SHC3: variants seen among roughly 807,000 people sequenced by gnomAD.
SHC3 encodes the protein SHC adaptor protein 3.
SHC3 carries 15 observed loss-of-function variants against 60.4 expected under a neutral mutation model. That is an observed-to-expected ratio of 0.25 (90% CI 0.17 to 0.38). The LOEUF (loss-of-function observed/expected upper bound fraction) is 0.38, where lower values mean the gene tolerates loss of function less well. Among genes scored for constraint, SHC3 ranks in the 10% least tolerant of loss-of-function variants. The pLI, the probability that SHC3 is intolerant of heterozygous loss-of-function variation, is 1.00. For synonymous variants in SHC3, 294 were observed against 325.9 expected (o/e 0.90, Z 1.05); for missense variants, 677 against 786.1 (o/e 0.86, Z 1.66).
chr9:89,099,775 T>C (rs1227752337), intron 2 of SHC3, among the ~76,000 whole-genome samples: 4 of 152,158 alleles, frequency 2.6e-5, no homozygotes, highest in South Asian at 2.1e-4. Flanking sequence ...GATATTAACA[T>C]GTGAAAAGGG....
intron 9 of SHC3, among the ~76,000 whole-genome samples, chr9:89,045,543 G>A (rs1824757876): frequency 6.6e-6 from 1 of 152,102 alleles, no homozygotes; most frequent in Non-Finnish European, 1.5e-5. Context: ...CCAAAGTGCT[G>A]GGATTACAGG....
intron 3 of SHC3, among the ~76,000 whole-genome samples, chr9:89,076,215 A>C (rs1043011687): frequency 8.6e-5 from 13 of 152,006 alleles, no homozygotes; most frequent in Admixed American, 5.9e-4. Context: ...CCTATAGTGG[A>C]GACTCTGGAG....
At chr9:89,125,618 G>A (rs963402209) in intron 1 of SHC3, among the ~76,000 whole-genome samples, 1 of 152,118 alleles carries the variant, frequency 6.6e-6, no homozygotes, top group Non-Finnish European at 1.5e-5. Context: ...TAAGATACAA[G>A]TCATAAAGAT....
chr9:89,115,141 G>A (rs748018082), intron 1 of SHC3, among the ~76,000 whole-genome samples: 18 of 152,056 alleles, frequency 1.2e-4, no homozygotes, highest in Non-Finnish European at 2.2e-4. Context: ...CAGCATATAC[G>A]AATAACATGA....
chr9:89,158,007 T>C (rs1826650695), intron 1 of SHC3, among the ~76,000 whole-genome samples: 2 of 151,928 alleles, frequency 1.3e-5, no homozygotes, highest in Non-Finnish European at 2.9e-5. Context: ...CTATATTTAA[T>C]TTTATTGATT....
At chr9:89,084,322 T>G in intron 2 of SHC3, among the ~76,000 whole-genome samples, 1 of 152,194 alleles carries the variant, frequency 6.6e-6, no homozygotes, top group East Asian at 1.9e-4. Flanking sequence ...TAAATACTGG[T>G]TGGTAATTAT....
At chr9:89,130,678 T>C (rs1026936030) in intron 1 of SHC3, among the ~76,000 whole-genome samples, 19 of 152,068 alleles carry the variant, frequency 1.2e-4, no homozygotes, top group African/African-American at 4.6e-4. Context: ...GGGTACATAA[T>C]GAAATGAAGG....
In SHC3 at chr9:89,075,146, G is replaced by A. The variant is rs544149923; in HGVS notation, c.692C>T (p.Thr231Met). The change falls in exon 4 of 12, where the codon ACG becomes ATG. Residue 231 changes from threonine to methionine, a missense_variant. Transcript: ENST00000375835. ...CGGAGTTCGCAGGTTCAGACTGGCC[G>A]TGGAGATGGTCAGAGAGATGCTCAT... is the stretch of plus-strand genomic sequence containing the variant. ...AGMSISLTIS[T>M]ASLNLRTPDS... The A allele has an allele frequency of 1.8e-5, 29 of 1,614,102 alleles. No individual in the cohort carries two copies. Among genetic ancestry groups the A allele is most frequent in the African/African-American group, 2.7e-5 (2 of 75,050 alleles).
intron 11 of SHC3, among the ~76,000 whole-genome samples, chr9:89,037,071 A>C (rs1385615660): frequency 1.2e-4 from 18 of 151,640 alleles, no homozygotes; most frequent in Admixed American, 1.2e-3. Flanking sequence ...TGGAAGTGGG[A>C]AGTGGCTGCT....
At chr9:89,022,780 A>G (rs1212304657) in intron 11 of SHC3, among the ~76,000 whole-genome samples, 1 of 152,164 alleles carries the variant, frequency 6.6e-6, no homozygotes, top group Admixed American at 6.5e-5. Context: ...ATAAGTGCCT[A>G]GTGCACTTAT....
intron 2 of SHC3, among the ~76,000 whole-genome samples, chr9:89,112,013 T>A (rs953158084): frequency 6.6e-6 from 1 of 152,202 alleles, no homozygotes; most frequent in African/African-American, 2.4e-5. Context: ...AGTGCTTAAA[T>A]ACTGCCCCTG....
intron 2 of SHC3, among the ~76,000 whole-genome samples, chr9:89,101,244 T>C (rs953864101): frequency 2.8e-4 from 42 of 152,222 alleles, no homozygotes; most frequent in African/African-American, 1.0e-3. Flanking sequence ...CAATTGATAT[T>C]TGTATTTTGA....
rs140245214 is a variant in SHC3 at position 89,131,657 on chromosome 9, C to T, written c.475-19031G>A. ...ATATAAACAGAACCATAGACAAAAA[C>T]CACATGATTATCTCAATAGATGCAG... On this transcript the variant is annotated intron_variant, in intron 1 of 11. Coordinates refer to ENST00000375835, the MANE Select transcript of SHC3 (RefSeq NM_016848.6). Among the ~76,000 whole-genome samples the T allele has an allele frequency of 9.2e-4, 140 of 152,212 alleles. 1 individual carries two copies. Among genetic ancestry groups the T allele is most frequent in the African/African-American group, 3.3e-3 (139 of 41,528 alleles).
At chr9:89,040,748 T>C (rs1270769418) in intron 10 of SHC3, among the ~76,000 whole-genome samples, 4 of 152,254 alleles carry the variant, frequency 2.6e-5, no homozygotes, top group African/African-American at 9.6e-5. Context: ...TTAGGTGATC[T>C]AGCATTGAAG....
At chr9:89,125,760 C>G (rs961911858) in intron 1 of SHC3, among the ~76,000 whole-genome samples, 1 of 152,118 alleles carries the variant, frequency 6.6e-6, no homozygotes, top group Non-Finnish European at 1.5e-5. Flanking sequence ...GGCAACGTCA[C>G]GAGCTTACTT....
At chr9:89,033,034 C>G (rs1474355897) in intron 11 of SHC3, among the ~76,000 whole-genome samples, 1 of 142,976 alleles carries the variant, frequency 7.0e-6, no homozygotes, top group South Asian at 2.4e-4. Flanking sequence ...CACCGAAGAA[C>G]AGTCATTAGT....
intron 9 of SHC3, among the ~76,000 whole-genome samples, chr9:89,044,974 C>A (rs1247293356): frequency 6.6e-6 from 1 of 152,166 alleles, no homozygotes; most frequent in Non-Finnish European, 1.5e-5. Flanking sequence ...TCACATCCCC[C>A]CTGAAGCTGA....
Position 89,071,212 on chromosome 9 carries a change from G to C in SHC3, c.770C>G (p.Ser257Cys). Residue 257 changes from serine (S) to cysteine (C), a missense_variant, in exon 5 of 12, where the codon TCT becomes TGT. Transcript: ENST00000375835. ...AAGGGTACTTACCGGGTCTCCCCCAGAGGCGAAGGAGATGGACCGCATGTG... is the reference window on the plus strand; with the variant it reads ...AAGGGTACTTACCGGGTCTCCCCCACAGGCGAAGGAGATGGACCGCATGTG... ...NHHMRSISFASGGDPDTTDYV... is the reference protein window; with the variant it reads ...NHHMRSISFACGGDPDTTDYV... 1 of 1,614,116 alleles carries C rather than the reference G, an allele frequency of 6.2e-7. No individual in the cohort carries two copies. Among genetic ancestry groups the C allele is most frequent in the Non-Finnish European group, 8.5e-7 (1 of 1,180,010 alleles).
chr9:89,062,162 T>C (rs1825101194), intron 6 of SHC3, among the ~76,000 whole-genome samples: 1 of 152,236 alleles, frequency 6.6e-6, no homozygotes, highest in African/African-American at 2.4e-5. Flanking sequence ...AACTGTCTAA[T>C]ATATACATAA....
Sources: gnomAD v4.1 joint callset for allele counts (sites outside exome capture counted in the v4.1 genomes callset) on GRCh38, gnomAD v4.1.1 for gene constraint, MANE v1.5 for transcripts, NCBI Gene and HGNC (gene_info 2026-07-23, HGNC 2026-07-21) for gene names.